INTS6: variants seen among roughly 807,000 people sequenced by gnomAD.
INTS6 encodes the protein integrator complex subunit 6, also known as DEAD box protein.
In INTS6, 16 loss-of-function variants were observed where a neutral mutation model predicts 104.9. The ratio of observed to expected loss-of-function variants is 0.15; its 90% CI spans 0.10 to 0.23. The LOEUF (loss-of-function observed/expected upper bound fraction) is 0.23, where lower values mean the gene tolerates loss of function less well. Ranked by LOEUF, INTS6 falls within the 10% of genes least tolerant of loss-of-function variation. The pLI is 1.00. For synonymous variants in INTS6, 324 were observed against 358.7 expected, an observed-to-expected ratio of 0.90 and a Z score of 1.09; for missense variants, 584 against 1,062.8, an observed-to-expected ratio of 0.55 and a Z score of 6.26.
At chr13:51,447,064 AAAGG>A (rs1297538476) in intron 3 of INTS6, 1 of 152,214 alleles carries the variant, frequency 6.6e-6, no homozygotes, top group Non-Finnish European at 1.5e-5. Flanking sequence ...AATTTTAATT[AAAGG>A]AATTAAAAAA....
At chr13:51,430,504 T>C in intron 3 of INTS6, 121 bp from the exon 4 acceptor site, 1 of 584,842 alleles carries the variant, frequency 1.7e-6, no homozygotes, top group Non-Finnish European at 2.9e-6. Context: ...ACATGTAGTA[T>C]GTACCTGTTT....
the INTS6 span, among the ~76,000 whole-genome samples, chr13:51,336,796 C>A: frequency 6.6e-6 from 1 of 152,194 alleles, no homozygotes. Context: ...CAGTGACTTG[C>A]CCAAAATCTG....
At chr13:51,422,578 T>C (rs1300410344) in intron 4 of INTS6, among the ~76,000 whole-genome samples, 1 of 152,196 alleles carries the variant, frequency 6.6e-6, no homozygotes, top group Non-Finnish European at 1.5e-5. Flanking sequence ...GCATTCCCCA[T>C]ATCTTCTAGG....
rs879198448 is a variant in INTS6, at chr13:51,452,816, T to G, written c.-291A>C. The G allele has an allele frequency of 9.4e-6, 11 of 1,172,702 alleles. No homozygotes were observed. In the South Asian group the frequency reaches 1.8e-4, roughly 19 times the overall value. 72.6% of individuals were successfully genotyped at this position (1,172,702 alleles called of 1,614,324 possible). On this transcript the variant is annotated 5_prime_UTR_variant, in exon 1 of 18. Transcript: ENST00000311234. The surrounding 1 kb of genome is among the most constrained non-coding windows in gnomAD (Gnocchi z 4.2). ...TGTCTGTCGGTTCGTCCCCCCCGCC[T>G]CGGGGGTCCCGTCCCCGCTCCCGGC...
At chr13:51,417,645 T>C (rs532618373) in intron 4 of INTS6, among the ~76,000 whole-genome samples, 7 of 152,016 alleles carry the variant, frequency 4.6e-5, no homozygotes, top group Non-Finnish European at 8.8e-5. Context: ...TTAATAGAGA[T>C]GGGGTTTCAC....
chr13:51,338,447 GTGGA>G, the INTS6 span, among the ~76,000 whole-genome samples: 125,443 of 149,132 alleles, frequency 0.84, 53,137 homozygotes, highest in Non-Finnish European at 0.9. Context: ...GGATGGATAG[GTGGA>G]TGGATGGATG....
At chr13:51,384,857 TTCA>T (rs1956111454) in intron 7 of INTS6, 1 of 367,116 alleles carries the variant, frequency 2.7e-6, no homozygotes, top group Admixed American at 3.6e-5. Flanking sequence ...AATTTGGGCC[TTCA>T]TCATTTCTCA....
intron 4 of INTS6, among the ~76,000 whole-genome samples, chr13:51,415,609 A>T (rs1422561534): frequency 6.6e-6 from 1 of 152,064 alleles, no homozygotes; most frequent in Non-Finnish European, 1.5e-5. Context: ...TTCCACCAGG[A>T]TTGTGAGGCC....
At chr13:51,368,169 G>C (rs1955730189) in intron 16 of INTS6, among the ~76,000 whole-genome samples, 1 of 152,010 alleles carries the variant, frequency 6.6e-6, no homozygotes, top group Non-Finnish European at 1.5e-5. Flanking sequence ...TGAGTAAATA[G>C]CTTTATGGTA....
chr13:51,433,536 G>T (rs1307292548), intron 3 of INTS6, among the ~76,000 whole-genome samples: 1 of 152,182 alleles, frequency 6.6e-6, no homozygotes, highest in Admixed American at 6.5e-5. Context: ...TCTTTCAGAG[G>T]CAAGAGATTA....
At chr13:51,425,871 AAG>A (rs1956975940) in intron 4 of INTS6, among the ~76,000 whole-genome samples, 3 of 152,214 alleles carry the variant, frequency 2.0e-5, no homozygotes, top group Admixed American at 6.5e-5. Flanking sequence ...CTAAGGAAGT[AAG>A]TAATATAGTT....
intron 11 of INTS6, 24 bp downstream of exon 11, chr13:51,379,438 G>A (rs146419063): frequency 1.4e-6 from 2 of 1,387,206 alleles, no homozygotes; most frequent in Admixed American, 1.8e-5. Flanking sequence ...ATACTTAATG[G>A]CTCACTCTAT....
At chr13:51,374,613 C>T in intron 14 of INTS6, 41 bp downstream of exon 14, 1 of 1,606,148 alleles carries the variant, frequency 6.2e-7, no homozygotes, top group Non-Finnish European at 8.5e-7. Context: ...CTGACAGTGC[C>T]TACCATAAAC....
intron 3 of INTS6, chr13:51,438,575 G>A (rs551694992): frequency 6.6e-6 from 1 of 152,270 alleles, no homozygotes; most frequent in South Asian, 2.1e-4. Flanking sequence ...AATCTCATTT[G>A]TGATTAGACA....
At chr13:51,429,763 C>A (rs868352884) in intron 4 of INTS6, among the ~76,000 whole-genome samples, 763 of 27,004 alleles carry the variant, frequency 0.028, 22 homozygotes, top group East Asian at 0.088. Flanking sequence ...GACTCTGTCT[C>A]AAAAAAAAAA....
At chr13:51,447,392 T>A (rs577825259) in intron 3 of INTS6, 1 of 152,188 alleles carries the variant, frequency 6.6e-6, no homozygotes. Flanking sequence ...GTTTACAAAA[T>A]AGACCTTTAT....
chr13:51,450,196 A>G, intron 3 of INTS6: 1 of 985,012 alleles, frequency 1.0e-6, no homozygotes, highest in Non-Finnish European at 1.2e-6. Flanking sequence ...CTCCTTGGAA[A>G]TAATATTCCT....
the INTS6 span, chr13:51,339,475 C>G: frequency 5.2e-5 from 8 of 152,520 alleles, no homozygotes; most frequent in Non-Finnish European, 2.9e-5. Flanking sequence ...GCTCTCCCCC[C>G]ACGGCCCTGC....
intron 13 of INTS6, 117 bp downstream of exon 13, chr13:51,375,931 A>C (rs947354582): frequency 1.3e-6 from 1 of 767,878 alleles, no homozygotes; most frequent in African/African-American, 1.8e-5. Flanking sequence ...GTTTGAACTT[A>C]CAATAAGAAT....
Sources: gnomAD v4.1 joint callset for allele counts (sites outside exome capture counted in the v4.1 genomes callset) on GRCh38, gnomAD v4.1.1 for gene constraint, Gnocchi (gnomAD v3.1) non-coding constraint, MANE v1.5 for transcripts, NCBI Gene and HGNC (gene_info 2026-07-23, HGNC 2026-07-21) for gene names.